The following RASSF8 variants were observed in gnomAD, a reference collection of about 807,000 sequenced individuals.
RASSF8 encodes the protein Ras association domain family member 8, also known as ras association domain-containing protein 8.
RASSF8 carries 22 observed loss-of-function variants against 48.5 expected under a neutral mutation model. That is an observed-to-expected ratio of 0.45 (90% confidence interval 0.32 to 0.65). RASSF8 has a LOEUF of 0.65. Ranked by LOEUF, RASSF8 falls within the 30% of genes least tolerant of loss-of-function variation. RASSF8 has a pLI of 0.03. For synonymous variants in RASSF8, 127 were observed against 171.5 expected (o/e 0.74, Z 2.03); for missense variants, 418 against 489.2 (o/e 0.85, Z 1.37).
intron 2 of RASSF8, among the ~76,000 whole-genome samples, chr12:26,027,474 C>G (rs575859272): frequency 1.1e-4 from 17 of 152,268 alleles, no homozygotes; most frequent in Admixed American, 4.6e-4. Context: ...GTTGGCCTGA[C>G]TATAAAAATA....
At chr12:26,015,816 G>C (rs1005534939) in intron 2 of RASSF8, among the ~76,000 whole-genome samples, 1 of 150,902 alleles carries the variant, frequency 6.6e-6, no homozygotes, top group Non-Finnish European at 1.5e-5. Context: ...GGTTTGCTTT[G>C]CCTGTTCAGT....
In RASSF8 at chr12:26,072,080, C is replaced by G. The variant is rs994849596; in HGVS notation, c.*3262C>G. ...CTTTTGATTTCAGGCATGCAAAGTGCTTGGGCAGATGGACAGTTCCCATTG... is the reference window on the plus strand; with the variant it reads ...CTTTTGATTTCAGGCATGCAAAGTGGTTGGGCAGATGGACAGTTCCCATTG... On this transcript the variant is annotated 3_prime_UTR_variant, in exon 6 of 6. Transcript: ENST00000689635. 2 of 985,138 alleles carry G rather than the reference C, an allele frequency of 2.0e-6. No individual in the cohort carries two copies. Among genetic ancestry groups the G allele is most frequent in the African/African-American group, 3.5e-5 (2 of 57,218 alleles). 61.0% of individuals were successfully genotyped at this position (985,138 alleles called of 1,614,324 possible).
chr12:26,028,515 A>G (rs563412753), intron 2 of RASSF8, among the ~76,000 whole-genome samples: 1 of 152,360 alleles, frequency 6.6e-6, no homozygotes, highest in South Asian at 2.1e-4. Flanking sequence ...CTTGGTAATC[A>G]TAAATGTCTA....
At chr12:26,065,416 T>G (rs1943850975) in intron 4 of RASSF8, 29 bp downstream of exon 4, 1 of 1,552,768 alleles carries the variant, frequency 6.4e-7, no homozygotes, top group African/African-American at 1.4e-5. Flanking sequence ...ATAGAATGTT[T>G]GGCCCATGTA....
At chr12:26,037,029 A>G (rs575008715) in intron 2 of RASSF8, among the ~76,000 whole-genome samples, 1 of 152,278 alleles carries the variant, frequency 6.6e-6, no homozygotes, top group African/African-American at 2.4e-5. Flanking sequence ...ATCTAATTTT[A>G]CTATTAACAG....
intron 2 of RASSF8, among the ~76,000 whole-genome samples, chr12:26,049,053 C>T (rs1057218241): frequency 2.6e-5 from 4 of 152,294 alleles, no homozygotes; most frequent in East Asian, 1.9e-4. Context: ...CCACTGTGCC[C>T]AGCCCTCCTT....
chr12:26,046,838 A>G (rs1463246366), intron 2 of RASSF8, among the ~76,000 whole-genome samples: 2 of 152,258 alleles, frequency 1.3e-5, no homozygotes, highest in Non-Finnish European at 2.9e-5. Context: ...AGATATAGTT[A>G]TACTTAAATC....
At position 26,028,279 on chromosome 12, in the gene RASSF8, G is replaced by A. The variant is rs372815639; in HGVS notation, c.-108-26957G>A. ...ATTTTCTGAATATCTTTTAATGAGCGTACTTTTCCTATGTAGTTAGAGAAA... is the reference window on the plus strand; with the variant it reads ...ATTTTCTGAATATCTTTTAATGAGCATACTTTTCCTATGTAGTTAGAGAAA... On this transcript the variant is annotated intron_variant, in intron 2 of 5. Transcript: ENST00000689635. 2.6e-5 allele frequency among the ~76,000 whole-genome samples: 4 copies of A among 152,132 alleles called. No individual in the cohort carries two copies. The East Asian group carries it at 5.8e-4, about 22-fold the overall frequency.
chr12:26,063,401 TTTTG>T (rs1270501794), intron 3 of RASSF8, among the ~76,000 whole-genome samples: 1 of 151,514 alleles, frequency 6.6e-6, no homozygotes, highest in Non-Finnish European at 1.5e-5. Flanking sequence ...TGTTTGTTTG[TTTTG>T]TTTTTTTTTT....
At chr12:26,004,126 G>A (rs1942328319) in intron 2 of RASSF8, among the ~76,000 whole-genome samples, 1 of 152,162 alleles carries the variant, frequency 6.6e-6, no homozygotes, top group South Asian at 2.1e-4. Flanking sequence ...GCAGTGAGTT[G>A]TGATTGTGCC....
In RASSF8 at chr12:26,072,407, G is replaced by T. The variant is rs181152000; in HGVS notation, c.*3589G>T. Reference sequence around the variant, plus strand: ...CCAGGACAGTGACTGCCTGAAAGCTGCAGGAGCTCTTTTCAATGCATTTTA... The same window carrying T: ...CCAGGACAGTGACTGCCTGAAAGCTTCAGGAGCTCTTTTCAATGCATTTTA... On this transcript the variant is annotated 3_prime_UTR_variant, in exon 6 of 6. Transcript: ENST00000689635. 2.0e-6 allele frequency: 2 copies of T among 982,428 alleles called. No homozygotes were observed. The highest frequency in any genetic ancestry group is 2.3e-4 in the East Asian group (2 of 8,794). 60.9% of individuals were successfully genotyped at this position (982,428 alleles called of 1,614,324 possible). A position where few individuals can be genotyped will look rare whatever the true frequency, so the allele number is the denominator to read the frequency against.
chr12:25,977,126 A>G (rs887118103), intron 1 of RASSF8, among the ~76,000 whole-genome samples: 1 of 152,222 alleles, frequency 6.6e-6, no homozygotes, highest in African/African-American at 2.4e-5. Flanking sequence ...CTAAGCGAAT[A>G]GCTGCAGATG....
At chr12:26,050,461 C>A (rs1943468174) in intron 2 of RASSF8, among the ~76,000 whole-genome samples, 2 of 152,156 alleles carry the variant, frequency 1.3e-5, no homozygotes, top group Admixed American at 1.3e-4. Context: ...TTATTTCATG[C>A]CATTTCTTAC....
At chr12:26,067,131 A>G (rs903792528) in intron 4 of RASSF8, among the ~76,000 whole-genome samples, 2 of 152,384 alleles carry the variant, frequency 1.3e-5, no homozygotes, top group African/African-American at 2.4e-5. Flanking sequence ...GAAGTGGTTA[A>G]TATGTAAATT....
At chr12:25,991,167 A>G (rs867331712) in intron 1 of RASSF8, among the ~76,000 whole-genome samples, 2 of 152,072 alleles carry the variant, frequency 1.3e-5, no homozygotes, top group Admixed American at 1.3e-4. Flanking sequence ...ATACAAGGAA[A>G]TGAAGGGTTT....
chr12:26,000,982 C>CTTTTTTT (rs34793650), intron 2 of RASSF8, among the ~76,000 whole-genome samples: 9 of 81,044 alleles, frequency 1.1e-4, no homozygotes, highest in South Asian at 4.8e-4. Flanking sequence ...TTAAAATTTC[C>CTTTTTTT]TTTTTTTTTT....
rs1943578505 is a variant in RASSF8, at chr12:26,055,340, C to T, written c.-4C>T. On this transcript the variant is annotated 5_prime_UTR_variant, in exon 3 of 6. Transcript: ENST00000689635. ...AGGGACCTTGAGTGACTGGCCGGTG[C>T]ACCATGGAACTTAAAGTATGGGTGG... 1.2e-6 allele frequency: 2 copies of T among 1,613,366 alleles called. No homozygotes were observed. The highest frequency in any genetic ancestry group is 1.1e-5 in the South Asian group (1 of 91,060).
chr12:26,024,444 T>C (rs1169093257), intron 2 of RASSF8, among the ~76,000 whole-genome samples: 2 of 152,198 alleles, frequency 1.3e-5, no homozygotes, highest in African/African-American at 4.8e-5. Flanking sequence ...AAAAGTAGGA[T>C]AGAACATGTC....
Position 26,079,032 on chromosome 12 carries a change from G to A in RASSF8, c.1139-1G>A, listed in dbSNP as rs1944095115. The A allele has an allele frequency of 1.3e-6, 2 of 1,545,138 alleles. No individual in the cohort carries two copies. The highest frequency in any genetic ancestry group is 1.7e-6 in the Non-Finnish European group (2 of 1,144,974). On this transcript the variant is annotated splice_acceptor_variant, in intron 5 of 5. Transcript: ENST00000381352. LOFTEE classifies it high-confidence loss of function. Reference sequence around the variant, plus strand: ...TTGTGTGTTTCTTCTGTTTTATCTAGGGATCATCATTCTTTCTGATAAGCA... The same window carrying A: ...TTGTGTGTTTCTTCTGTTTTATCTAAGGATCATCATTCTTTCTGATAAGCA...
Sources: allele counts gnomAD v4.1 joint callset (sites outside exome capture counted in the v4.1 genomes callset), GRCh38; gene constraint gnomAD v4.1.1; transcripts MANE v1.5; gene names NCBI Gene and HGNC (gene_info 2026-07-23, HGNC 2026-07-21).